Variants in FRMPD4 observed in about 807,000 individuals in gnomAD.
FRMPD4 encodes the protein FERM and PDZ domain containing 4, also known as FERM and PDZ domain-containing protein 4.
FRMPD4 carries 22 observed loss-of-function variants against 94.1 expected under a neutral mutation model. The observed-to-expected ratio is 0.23, with a 90% CI of 0.17 to 0.33. The LOEUF is 0.33. Ranked by LOEUF, FRMPD4 falls within the 10% of genes least tolerant of loss-of-function variation. The probability of loss-of-function intolerance (pLI) is 1.00; values close to 1 mark genes in which losing one functional copy is unlikely to be tolerated. For synonymous variants in FRMPD4, 631 were observed against 548.6 expected, an observed-to-expected ratio of 1.15 and a Z score of -2.10; for missense variants, 1,111 against 1,339.9, an observed-to-expected ratio of 0.83 and a Z score of 2.67.
chrX:12,148,537 A>G (rs2055803219), intron 1 of FRMPD4, among the ~76,000 whole-genome samples: 1 of 112,754 alleles, frequency 8.9e-6, no homozygotes, highest in Non-Finnish European at 1.9e-5. Context: ...AGTACAAGGT[A>G]AAGCGGCAAG....
intron 1 of FRMPD4, among the ~76,000 whole-genome samples, chrX:11,852,185 T>C (rs898396851): frequency 1.3e-4 from 14 of 110,928 alleles, no homozygotes; most frequent in African/African-American, 3.9e-4. Context: ...TATTCCTATG[T>C]AGCCACTTTA....
chrX:12,149,686 C>A (rs1165333967), intron 1 of FRMPD4, among the ~76,000 whole-genome samples: 1 of 112,430 alleles, frequency 8.9e-6, no homozygotes, highest in Non-Finnish European at 1.9e-5. Context: ...ATGACACAAA[C>A]TTAGTTGATA....
chrX:12,430,834 A>C (rs189991212), intron 1 of FRMPD4, among the ~76,000 whole-genome samples: 139 of 112,719 alleles, frequency 1.2e-3, no homozygotes, highest in African/African-American at 4.4e-3. Flanking sequence ...ACAGATATGT[A>C]ATTTTGTCTC....
intron 1 of FRMPD4, among the ~76,000 whole-genome samples, chrX:12,387,526 T>C (rs139409740): frequency 2.1e-3 from 239 of 111,857 alleles, no homozygotes; most frequent in Middle Eastern, 9.3e-3. Flanking sequence ...GGTGTCACGA[T>C]TGAAGAGAGA....
At chrX:12,100,082 T>C (rs2055241395) in intron 3 of FRMPD4, among the ~76,000 whole-genome samples, 1 of 112,448 alleles carries the variant, frequency 8.9e-6, no homozygotes, top group South Asian at 3.7e-4. Flanking sequence ...CAAGAGACTG[T>C]GTGTCTTCAA....
chrX:12,685,129 T>C (rs1441432060), intron 6 of FRMPD4, among the ~76,000 whole-genome samples: 2 of 111,696 alleles, frequency 1.8e-5, no homozygotes, highest in Non-Finnish European at 3.8e-5. Flanking sequence ...AAATAGGAAG[T>C]GAAAGGCAGG....
intron 1 of FRMPD4, among the ~76,000 whole-genome samples, chrX:12,240,871 T>C (rs1234255929): frequency 8.9e-6 from 1 of 112,242 alleles, no homozygotes; most frequent in Non-Finnish European, 1.9e-5. Context: ...TGTGAGTTAT[T>C]TTCAAATGGG....
intron 6 of FRMPD4, 65 bp downstream of exon 6, chrX:12,683,652 A>G: frequency 1.7e-6 from 1 of 572,264 alleles, no homozygotes; most frequent in Admixed American, 2.8e-5. Context: ...TTTGCACTCA[A>G]AACAAAGTCA....
intron 3 of FRMPD4, among the ~76,000 whole-genome samples, chrX:12,013,146 C>A (rs1329568348): frequency 8.9e-6 from 1 of 111,916 alleles, no homozygotes; most frequent in Non-Finnish European, 1.9e-5. Context: ...GGAAATGTCT[C>A]TCAGCAGAAC....
intron 2 of FRMPD4, among the ~76,000 whole-genome samples, chrX:12,538,701 G>A (rs2058369549): frequency 8.9e-6 from 1 of 112,040 alleles, no homozygotes; most frequent in African/African-American, 3.2e-5. Context: ...ACAGGGTCTG[G>A]AGTGGGCCTC....
chrX:11,948,622 G>A (rs1190728636), intron 3 of FRMPD4, among the ~76,000 whole-genome samples: 1 of 110,859 alleles, frequency 9.0e-6, no homozygotes, highest in Non-Finnish European at 1.9e-5. Context: ...GAAGGGGAAG[G>A]GCCTGACCTA....
At chrX:11,921,717 T>C (rs2147345166) in intron 3 of FRMPD4, among the ~76,000 whole-genome samples, 1 of 112,316 alleles carries the variant, frequency 8.9e-6, no homozygotes, top group South Asian at 3.7e-4. Context: ...ATAAGGAGCA[T>C]AGCCACAGTC....
intron 2 of FRMPD4, among the ~76,000 whole-genome samples, chrX:12,599,623 C>A (rs1194344349): frequency 8.9e-6 from 1 of 111,853 alleles, no homozygotes; most frequent in Admixed American, 9.5e-5. Context: ...TCTAAAAATG[C>A]CACTGAATAT....
chrX:12,456,064 G>T (rs1334511067), intron 1 of FRMPD4, among the ~76,000 whole-genome samples: 2 of 111,885 alleles, frequency 1.8e-5, no homozygotes, highest in Non-Finnish European at 3.8e-5. Context: ...AAAGTGCTGG[G>T]ATTACAGGCA....
intron 3 of FRMPD4, among the ~76,000 whole-genome samples, chrX:12,611,049 A>G (rs1602206042): frequency 8.9e-6 from 1 of 112,493 alleles, no homozygotes; most frequent in Admixed American, 9.4e-5. Flanking sequence ...ATATGATTAG[A>G]TAATTAATGT....
intron 1 of FRMPD4, among the ~76,000 whole-genome samples, chrX:12,376,396 C>T (rs1284150603): frequency 8.9e-6 from 1 of 112,579 alleles, no homozygotes; most frequent in Non-Finnish European, 1.9e-5. Flanking sequence ...CCTATCACCA[C>T]TCATGCTCCA....
Position 12,721,287 on chromosome X carries a change from G to C in FRMPD4, c.4718G>C (p.Arg1573Pro), listed in dbSNP as rs2042235046. ...SVLKVWAEDLRDPDDLDFSNL... is the reference protein window; with the variant it reads ...SVLKVWAEDLPDPDDLDFSNL... ...CTGAAGGTCTGGGCAGAAGACCTGC[G>C]AGACCCAGATGACTTGGACTTCAGC... Residue 1573 changes from arginine to proline, a missense_variant, in exon 17 of 17, where the codon CGA (arginine) becomes CCA (proline). Arg to Pro is a moderately radical substitution (Grantham distance 103). Around this residue, in one of 8 missense-constraint regions of FRMPD4, gnomAD observed 551 missense variants for 591.6 expected, o/e 0.93. Coordinates refer to ENST00000675598, the MANE Select transcript of FRMPD4 (RefSeq NM_001368397.1). 1 of 753,291 alleles carries C rather than the reference G, an allele frequency of 1.3e-6. No homozygotes were observed. Among genetic ancestry groups the C allele is most frequent in the African/African-American group, 2.3e-5 (1 of 43,120 alleles). 62.1% of individuals were successfully genotyped at this position (753,291 alleles called of 1,213,427 possible). A position where few individuals can be genotyped will look rare whatever the true frequency, so the allele number is the denominator to read the frequency against.
At chrX:12,521,069 A>T (rs1372904374) in intron 2 of FRMPD4, among the ~76,000 whole-genome samples, 1 of 112,197 alleles carries the variant, frequency 8.9e-6, no homozygotes, top group African/African-American at 3.2e-5. Context: ...GCTGTGCTCC[A>T]AAAAAACTTT....
intron 1 of FRMPD4, among the ~76,000 whole-genome samples, chrX:12,345,636 G>T (rs983675790): frequency 8.9e-6 from 1 of 111,848 alleles, no homozygotes; most frequent in African/African-American, 3.3e-5. Flanking sequence ...TATATTTTGT[G>T]ATATGAACAC....
Sources: gnomAD v4.1 joint callset for allele counts (sites outside exome capture counted in the v4.1 genomes callset) on GRCh38, gnomAD v4.1.1 for gene constraint, gnomAD v4.1.1 regional missense constraint, MANE v1.5 for transcripts, NCBI Gene and HGNC (gene_info 2026-07-23, HGNC 2026-07-21) for gene names.